Variants in LRIF1 observed in about 807,000 individuals in gnomAD.
LRIF1 encodes ligand-dependent nuclear receptor-interacting factor 1.
Under a neutral mutation model 52.7 loss-of-function variants are expected in LRIF1, and 32 were observed. That is an observed-to-expected ratio of 0.61 (90% CI 0.46 to 0.82). The LOEUF is 0.82. LRIF1 is among the 40% of genes least tolerant of loss of function. The pLI, the probability that LRIF1 is intolerant of heterozygous loss-of-function variation, is 0.00. For missense variants in LRIF1, 887 were observed against 892.0 expected (o/e 0.99, Z 0.07); for synonymous variants, 323 against 317.4 (o/e 1.02, Z -0.19).
At chr1:110,932,429 T>G in the LRIF1 span, among the ~76,000 whole-genome samples, 2 of 152,176 alleles carry the variant, frequency 1.3e-5, no homozygotes, top group African/African-American at 2.4e-5. Context: ...TGCCTCCAGC[T>G]TTGTTCTTTT....
Position 110,949,992 on chromosome 1 carries a change from A to T in LRIF1, c.1728T>A (p.Leu576=), listed in dbSNP as rs1341099557. The T allele has an allele frequency of 6.2e-7, 1 of 1,614,124 alleles. No individual in the cohort carries two copies. The change falls in exon 3 of 4, where the codon CTT becomes CTA. Residue 576 remains leucine, a synonymous_variant. Coordinates refer to ENST00000369763, the MANE Select transcript of LRIF1 (RefSeq NM_018372.4). ...TAAGGCACACTCTCAAATCCTTAGT[A>T]AGGCCAAATATCTTTTTAAATTCAG... ...SDAEFKKIFG[L]TKDLRVCLTR...
the LRIF1 span, chr1:110,891,586 C>T: frequency 3.9e-6 from 3 of 760,050 alleles, no homozygotes; most frequent in Admixed American, 4.2e-5. Context: ...TGGGTCATGT[C>T]CAGCACAACC....
intron 3 of LRIF1, 35 bp from the exon 4 acceptor site, chr1:110,948,434 A>T (rs1196935281): frequency 6.4e-7 from 1 of 1,573,824 alleles, no homozygotes; most frequent in Non-Finnish European, 8.6e-7. Context: ...AACAAAAACG[A>T]AATGTTACTG....
the LRIF1 span, among the ~76,000 whole-genome samples, chr1:110,888,575 C>A: frequency 2.6e-5 from 4 of 152,050 alleles, no homozygotes; most frequent in Non-Finnish European, 5.9e-5. Flanking sequence ...AATCTGGTCC[C>A]TGTTAATCCA....
rs755551153 is a variant in LRIF1, at chr1:110,963,649, C to A, written c.40G>T (p.Glu14Ter). 9.9e-6 allele frequency: 16 copies of A among 1,610,248 alleles called. No individual in the cohort carries two copies. The highest frequency in any genetic ancestry group is 1.3e-5 in the Non-Finnish European group (15 of 1,177,082). ...NLRRVFLKPA[E>*]ENSGNASRCV... ...CGCGAGGCGTTGCCTGAATTTTCCT[C>A]TGCGGGTTTCAGGAAGACCCTCCGT... Residue 14 changes from glutamate to a stop codon, truncating the protein, a stop_gained, in exon 1 of 4, where the codon GAG becomes TAG. Transcript: ENST00000369763. LOFTEE classifies it high-confidence loss of function.
At chr1:110,878,419 C>A in the LRIF1 span, among the ~76,000 whole-genome samples, 2 of 152,150 alleles carry the variant, frequency 1.3e-5, no homozygotes, top group Non-Finnish European at 2.9e-5. Flanking sequence ...TGTAAATTGA[C>A]AATCTGTATA....
At chr1:110,875,249 T>A in the LRIF1 span, among the ~76,000 whole-genome samples, 3,597 of 152,266 alleles carry the variant, frequency 0.024, 66 homozygotes, top group South Asian at 0.062. Flanking sequence ...ACACCATGTT[T>A]ACAGAGCCAC....
At chr1:110,925,820 A>G in the LRIF1 span, among the ~76,000 whole-genome samples, 3 of 152,194 alleles carry the variant, frequency 2.0e-5, no homozygotes, top group Non-Finnish European at 4.4e-5. Context: ...GAGTTTAGCA[A>G]GGTTATTGGG....
chr1:110,895,201 A>G, the LRIF1 span: 1 of 634,220 alleles, frequency 1.6e-6, no homozygotes, highest in Non-Finnish European at 2.9e-6. Flanking sequence ...TATCACAAAC[A>G]TGGGAGCCCA....
At chr1:110,955,414 A>C (rs921537804) in intron 1 of LRIF1, among the ~76,000 whole-genome samples, 1 of 152,092 alleles carries the variant, frequency 6.6e-6, no homozygotes, top group East Asian at 1.9e-4. Flanking sequence ...TCTACCTTTC[A>C]ATTTACTCAG....
intron 1 of LRIF1, 34 bp downstream of exon 1, chr1:110,963,587 G>A: frequency 6.3e-7 from 1 of 1,577,034 alleles, no homozygotes; most frequent in East Asian, 2.3e-5. Context: ...GGACAGAGGG[G>A]CAGCCGTGGG....
chr1:110,928,336 G>A, the LRIF1 span, among the ~76,000 whole-genome samples: 3 of 152,146 alleles, frequency 2.0e-5, no homozygotes, highest in Admixed American at 2.0e-4. Flanking sequence ...ATCCAATGAC[G>A]CATGAAAAGA....
chr1:110,932,818 G>A, the LRIF1 span, among the ~76,000 whole-genome samples: 3 of 151,990 alleles, frequency 2.0e-5, no homozygotes, highest in Non-Finnish European at 2.9e-5. Context: ...CTATTACTAG[G>A]GCATTTGCAG....
chr1:110,878,213 ACTAT>A, the LRIF1 span, among the ~76,000 whole-genome samples: 1 of 152,194 alleles, frequency 6.6e-6, no homozygotes, highest in African/African-American at 2.4e-5. Flanking sequence ...GATTCAGTGA[ACTAT>A]CTATTATGTA....
downstream of LRIF1, among the ~76,000 whole-genome samples, chr1:110,945,850 G>C (rs559518491): frequency 4.5e-4 from 68 of 152,284 alleles, 1 homozygote; most frequent in Admixed American, 1.8e-3. Flanking sequence ...ATTGACTACT[G>C]AATCTAGTAA....
chr1:110,948,223 C>A lies in LRIF1; in HGVS notation c.2046G>T (p.Thr682=). 1 of 1,614,026 alleles carries A rather than the reference C, an allele frequency of 6.2e-7. No individual in the cohort carries two copies. The highest frequency in any genetic ancestry group is 8.5e-7 in the Non-Finnish European group (1 of 1,179,992). The change falls in exon 4 of 4, where the codon ACG becomes ACT. Residue 682 remains threonine, a synonymous_variant. Coordinates refer to ENST00000369763, the MANE Select transcript of LRIF1 (RefSeq NM_018372.4). Reference sequence around the variant, plus strand: ...TTTCTTGTCTGGTTTTGCTGTGACTCGTGAGAATGTTATGTTGTGACACAT... The same window carrying A: ...TTTCTTGTCTGGTTTTGCTGTGACTAGTGAGAATGTTATGTTGTGACACAT... ...TSDVSQHNIL[T]SHSKTRQEKR...
At chr1:110,925,652 T>G in the LRIF1 span, among the ~76,000 whole-genome samples, 2 of 152,028 alleles carry the variant, frequency 1.3e-5, no homozygotes, top group Non-Finnish European at 2.9e-5. Flanking sequence ...AAAAGAGAGA[T>G]AAGATAAAAG....
downstream of LRIF1, among the ~76,000 whole-genome samples, chr1:110,946,185 C>T (rs963826822): frequency 6.6e-6 from 1 of 152,168 alleles, no homozygotes; most frequent in Admixed American, 6.5e-5. Flanking sequence ...AATGCTACAA[C>T]ATGGATAAAC....
chr1:110,898,618 G>A, the LRIF1 span, among the ~76,000 whole-genome samples: 2 of 152,016 alleles, frequency 1.3e-5, no homozygotes, highest in African/African-American at 4.8e-5. Flanking sequence ...TGCTTAGTTT[G>A]ACAAGTGATG....
Sources: allele counts gnomAD v4.1 joint callset (sites outside exome capture counted in the v4.1 genomes callset), GRCh38; gene constraint gnomAD v4.1.1; transcripts MANE v1.5; gene names NCBI Gene and HGNC (gene_info 2026-07-23, HGNC 2026-07-21).